The following BCOR variants were observed in gnomAD, a reference collection of about 807,000 sequenced individuals.
BCOR encodes the protein BCL6 corepressor.
A neutral mutation model predicts 86.7 loss-of-function variants in BCOR; 10 were observed. The observed-to-expected ratio is 0.12, with a 90% confidence interval of 0.07 to 0.20. The LOEUF is 0.20. Ranked by LOEUF, BCOR falls within the 10% of genes least tolerant of loss-of-function variation. The probability of loss-of-function intolerance (pLI) is 1.00; values close to 1 mark genes in which losing one functional copy is unlikely to be tolerated. For missense variants in BCOR, 1,259 were observed against 1,452.1 expected, an observed-to-expected ratio of 0.87 and a Z score of 2.16; for synonymous variants, 611 against 609.0, an observed-to-expected ratio of 1.00 and a Z score of -0.05.
intron 3 of BCOR, 39 bp downstream of exon 3, chrX:40,076,415 A>G (rs1290320216): frequency 2.0e-6 from 2 of 990,601 alleles, no homozygotes; most frequent in Admixed American, 4.4e-5. Flanking sequence ...GATCACTGAT[A>G]TGCAGATATG....
At chrX:40,152,017 ACGAGAAG>A (rs2147989147) in intron 1 of BCOR, among the ~76,000 whole-genome samples, 1 of 111,488 alleles carries the variant, frequency 9.0e-6, no homozygotes, top group Non-Finnish European at 1.9e-5. Flanking sequence ...CGCTGCGCCG[ACGAGAAG>A]GCCTGGCGCT....
chrX:40,068,995 C>T (rs1935337484), intron 6 of BCOR, among the ~76,000 whole-genome samples: 1 of 112,739 alleles, frequency 8.9e-6, no homozygotes, highest in Non-Finnish European at 1.9e-5. Flanking sequence ...TTTGTGACCC[C>T]TGCCTGCCCC....
chrX:40,143,912 G>A (rs1250546268), intron 1 of BCOR, among the ~76,000 whole-genome samples: 2 of 112,502 alleles, frequency 1.8e-5, no homozygotes, highest in African/African-American at 3.2e-5. Context: ...AGTCGAGATC[G>A]GGCCATTGCA....
intron 1 of BCOR, among the ~76,000 whole-genome samples, chrX:40,136,909 G>C (rs1436059061): frequency 8.9e-6 from 1 of 112,399 alleles, no homozygotes; most frequent in African/African-American, 3.2e-5. Flanking sequence ...CTCCATGGTT[G>C]GGGCCCTTAG....
At chrX:40,133,237 A>C (rs1937621314) in intron 1 of BCOR, among the ~76,000 whole-genome samples, 1 of 103,940 alleles carries the variant, frequency 9.6e-6, no homozygotes. Context: ...ACCTGGGTTC[A>C]AGTGATTCTG....
chrX:40,093,258 C>T (rs898129200), intron 1 of BCOR, among the ~76,000 whole-genome samples: 4 of 111,987 alleles, frequency 3.6e-5, no homozygotes, highest in Non-Finnish European at 7.5e-5. Context: ...GTCATTCAAG[C>T]GCACATCTTA....
intron 1 of BCOR, among the ~76,000 whole-genome samples, chrX:40,107,909 C>G (rs1255900284): frequency 1.8e-5 from 2 of 113,602 alleles, no homozygotes; most frequent in East Asian, 5.5e-4. Context: ...GAGGCGAAAT[C>G]CTTATTGATG....
intron 1 of BCOR, among the ~76,000 whole-genome samples, chrX:40,169,646 C>G (rs774537900): frequency 1.6e-3 from 174 of 110,972 alleles, no homozygotes; most frequent in African/African-American, 5.5e-3. Flanking sequence ...GAGAAATAAT[C>G]TATAGGACAA....
At chrX:40,156,416 G>A (rs1438681309) in intron 1 of BCOR, among the ~76,000 whole-genome samples, 7 of 112,332 alleles carry the variant, frequency 6.2e-5, no homozygotes, top group African/African-American at 2.3e-4. Flanking sequence ...CAGGGGATGA[G>A]GAGGTGACCT....
rs768366812 is a variant in BCOR at position 40,073,972 on chromosome X, C to T, written c.1374G>A (p.Met458Ile). The T allele has an allele frequency of 8.2e-7, 1 of 1,212,379 alleles. No homozygotes were observed. Among genetic ancestry groups the T allele is most frequent in the Non-Finnish European group, 1.1e-6 (1 of 895,644 alleles). The part of the protein sequence containing the change: ...VDVDASKADH[M>I]KKMAPTVLVH... ...CCAGGACCGTGGGAGCCATCTTTTT[C>T]ATGTGGTCAGCTTTGGAAGCATCTA... Residue 458 changes from methionine to isoleucine, a missense_variant, in exon 4 of 15, where the codon ATG (methionine) becomes ATA (isoleucine). Met to Ile is a conservative substitution (Grantham distance 10, BLOSUM62 1). Around this residue, in one of 7 missense-constraint regions of BCOR, gnomAD observed 534 missense variants for 594.8 expected, o/e 0.90. Coordinates refer to ENST00000378444, the MANE Select transcript of BCOR (RefSeq NM_001123385.2).
intron 1 of BCOR, among the ~76,000 whole-genome samples, chrX:40,139,059 G>A (rs763155074): frequency 9.2e-6 from 1 of 108,443 alleles, no homozygotes; most frequent in South Asian, 4.0e-4. Context: ...CATAGTCTTC[G>A]CTATTTAATC....
intron 6 of BCOR, among the ~76,000 whole-genome samples, chrX:40,070,078 T>G (rs986341218): frequency 9.0e-6 from 1 of 111,220 alleles, no homozygotes; most frequent in Non-Finnish European, 1.9e-5. Flanking sequence ...ACCGATGAAC[T>G]GTGTTGTGAA....
At position 40,064,209 on chromosome X, in the gene BCOR, C is replaced by A. The variant is rs5963731; in HGVS notation, c.3502+127G>T. The stretch of plus-strand genomic sequence containing the variant: ...GAGGTCCGCTCCACTGCTGCGCCCC[C>A]ACGGCTTCCCCTCACCGACTCTGTC... On this transcript the variant is annotated intron_variant, in intron 7 of 14. Coordinates refer to ENST00000378444, the MANE Select transcript of BCOR (RefSeq NM_001123385.2). 123,609 of 1,026,924 alleles carry A rather than the reference C, an allele frequency of 0.12. 9,235 individuals are homozygous for A. The highest frequency in any genetic ancestry group is 0.67 in the East Asian group (21,603 of 32,247). The allele number at this position is 1,026,924 out of a possible 1,213,427, so 84.6% of individuals were successfully genotyped here.
upstream of BCOR, among the ~76,000 whole-genome samples, chrX:40,099,115 G>A (rs1053426249): frequency 8.8e-6 from 1 of 113,023 alleles, no homozygotes; most frequent in African/African-American, 3.2e-5. Context: ...CGTGCTGATC[G>A]GTGCTTGGCG....
At chrX:40,162,485 G>A (rs926981796) in intron 1 of BCOR, among the ~76,000 whole-genome samples, 3 of 111,286 alleles carry the variant, frequency 2.7e-5, no homozygotes, top group Non-Finnish European at 5.7e-5. Context: ...TACATCCTGG[G>A]AAGCCGTGGT....
rs1381182530 is a variant in BCOR at position 40,063,622 on chromosome X, C to T, written c.3833G>A (p.Ser1278Asn). 1 of 1,211,124 alleles carries T rather than the reference C, an allele frequency of 8.3e-7. No homozygotes were observed. The highest frequency in any genetic ancestry group is 1.1e-6 in the Non-Finnish European group (1 of 894,756). ...RSWSEESLKP[S>N]DNEQGLPVFS... ...CCCCCGCATACCTTGTTCATTGTCACTGGGTTTAAGAGACTCTTCCGACCA... is the reference window on the plus strand; with the variant it reads ...CCCCCGCATACCTTGTTCATTGTCATTGGGTTTAAGAGACTCTTCCGACCA... The change falls in exon 8 of 15, where the codon AGT (serine) becomes AAT (asparagine). Residue 1278 changes from serine (S) to asparagine (N), a missense_variant. Around this residue, in one of 7 missense-constraint regions of BCOR, gnomAD observed 305 missense variants for 286.1 expected, o/e 1.07. Coordinates refer to ENST00000378444, the MANE Select transcript of BCOR (RefSeq NM_001123385.2).
At chrX:40,116,448 G>C (rs1277000907) in intron 1 of BCOR, among the ~76,000 whole-genome samples, 1 of 109,800 alleles carries the variant, frequency 9.1e-6, no homozygotes, top group Non-Finnish European at 1.9e-5. Context: ...AGTGAGCTGA[G>C]ATAGCGCCAC....
At chrX:40,126,640 A>C (rs760265491) in intron 1 of BCOR, among the ~76,000 whole-genome samples, 20 of 111,934 alleles carry the variant, frequency 1.8e-4, no homozygotes, top group African/African-American at 5.5e-4. Flanking sequence ...AGATGGCTTG[A>C]GCCCAAGAGT....
intron 1 of BCOR, among the ~76,000 whole-genome samples, chrX:40,154,394 C>G (rs1469237659): frequency 2.7e-5 from 3 of 112,389 alleles, no homozygotes; most frequent in Non-Finnish European, 5.7e-5. Flanking sequence ...CTCGCTCGCT[C>G]TCGCCCAGGC....
Sources: gnomAD v4.1 joint callset for allele counts (sites outside exome capture counted in the v4.1 genomes callset) on GRCh38, gnomAD v4.1.1 for gene constraint, gnomAD v4.1.1 regional missense constraint, MANE v1.5 for transcripts, NCBI Gene and HGNC (gene_info 2026-07-23, HGNC 2026-07-21) for gene names.